CLSTN2: variants seen among roughly 807,000 people sequenced by gnomAD.
CLSTN2 encodes calsyntenin-2.
CLSTN2 carries 48 observed loss-of-function variants against 101.2 expected under a neutral mutation model. The observed-to-expected ratio is 0.47, with a 90% CI of 0.38 to 0.60. The LOEUF is 0.60. Ranked by LOEUF, CLSTN2 falls within the 20% of genes least tolerant of loss-of-function variation. The pLI is 0.00. For synonymous variants in CLSTN2, 481 were observed against 463.6 expected (o/e 1.04, Z -0.48); for missense variants, 1,160 against 1,238.2 (o/e 0.94, Z 0.95).
intron 2 of CLSTN2, among the ~76,000 whole-genome samples, chr3:140,194,574 T>C (rs2010618457): frequency 6.6e-6 from 1 of 152,168 alleles, no homozygotes; most frequent in African/African-American, 2.4e-5. Context: ...GAGTAATTTT[T>C]CTATTGAAAT....
chr3:140,285,623 C>T (rs998206548), intron 2 of CLSTN2, among the ~76,000 whole-genome samples: 1 of 152,160 alleles, frequency 6.6e-6, no homozygotes, highest in South Asian at 2.1e-4. Flanking sequence ...ACACAGATTG[C>T]CAATTGCCCT....
At chr3:140,091,871 G>A (rs559965191) in intron 1 of CLSTN2, among the ~76,000 whole-genome samples, 27 of 152,288 alleles carry the variant, frequency 1.8e-4, no homozygotes, top group African/African-American at 6.3e-4. Flanking sequence ...ATTTCCATTT[G>A]CTTTGTCTAA....
At chr3:140,229,836 G>T (rs1225169511) in intron 2 of CLSTN2, among the ~76,000 whole-genome samples, 2 of 152,060 alleles carry the variant, frequency 1.3e-5, no homozygotes, top group East Asian at 1.9e-4. Context: ...AACCATGAAG[G>T]TTCCTTCCTG....
chr3:140,151,623 TG>T (rs1196066047), intron 1 of CLSTN2, among the ~76,000 whole-genome samples: 1 of 152,052 alleles, frequency 6.6e-6, no homozygotes, highest in East Asian at 1.9e-4. Context: ...GGGTACGACA[TG>T]GGAAGACAAT....
chr3:139,962,334 C>T (rs529936751), intron 1 of CLSTN2, among the ~76,000 whole-genome samples: 15 of 152,182 alleles, frequency 9.9e-5, no homozygotes, highest in South Asian at 4.2e-4. Flanking sequence ...TAACTTTTGA[C>T]GTATGTATAT....
In CLSTN2 at chr3:140,032,182, C is replaced by G. The variant is rs548925425; in HGVS notation, c.109+96699C>G. On this transcript the variant is annotated intron_variant, in intron 1 of 16. Transcript: ENST00000458420. ...ACAGACTTATTGGGGAGAAAAGACC[C>G]ATACATTTACTCACAATGAAAAATT... Among the ~76,000 whole-genome samples, 30 of 151,782 alleles carry G rather than the reference C, an allele frequency of 2.0e-4. No homozygotes were observed. The South Asian group carries it at 6.2e-3, about 32-fold the overall frequency.
chr3:140,248,148 G>C (rs2086532164), intron 2 of CLSTN2, among the ~76,000 whole-genome samples: 1 of 152,190 alleles, frequency 6.6e-6, no homozygotes. Context: ...GGAGGAGCAG[G>C]GCAATGTGAA....
intron 2 of CLSTN2, among the ~76,000 whole-genome samples, chr3:140,239,673 G>A (rs2086443587): frequency 6.6e-6 from 1 of 152,062 alleles, no homozygotes; most frequent in African/African-American, 2.4e-5. Context: ...TCTAAAAAGT[G>A]CTCCATTTTT....
intron 12 of CLSTN2, among the ~76,000 whole-genome samples, chr3:140,561,364 T>C (rs1055084237): frequency 3.3e-5 from 5 of 152,180 alleles, no homozygotes; most frequent in African/African-American, 1.2e-4. Flanking sequence ...GATGGGATTT[T>C]AATTTAGGAC....
chr3:139,954,497 G>T lies in CLSTN2; in HGVS notation c.109+19014G>T, dbSNP rs556309986. Reference sequence around the variant, plus strand: ...GACTCTGAAGGCTCCTTGAGGGCAGGGTTGCCCTAGCTCTTTTCCCAAGAT... The same window carrying T: ...GACTCTGAAGGCTCCTTGAGGGCAGTGTTGCCCTAGCTCTTTTCCCAAGAT... On this transcript the variant is annotated intron_variant, in intron 1 of 16. Transcript: ENST00000458420. 8.4e-4 allele frequency among the ~76,000 whole-genome samples: 128 copies of T among 152,232 alleles called. 1 individual carries two copies. Among genetic ancestry groups the T allele is most frequent in the African/African-American group, 3.0e-3 (123 of 41,548 alleles).
rs551976902 is a variant in CLSTN2 at position 140,402,651 on chromosome 3, T to C, written c.233-978T>C. Among the ~76,000 whole-genome samples, 8 of 152,298 alleles carry C rather than the reference T, an allele frequency of 5.3e-5. No individual in the cohort carries two copies. In the South Asian group the frequency reaches 1.5e-3, roughly 28 times the overall value. ...GCCCCATTAAATGATGCACCGTAGG[T>C]ACCTTGCTTGCCCCTCCTTGGCCTC... On this transcript the variant is annotated intron_variant, in intron 2 of 16. Coordinates refer to ENST00000458420, the MANE Select transcript of CLSTN2 (RefSeq NM_022131.3).
rs569550043 is a variant in CLSTN2, at chr3:140,113,356, A to T, written c.110-62595A>T. On this transcript the variant is annotated intron_variant, in intron 1 of 16. Transcript: ENST00000458420. ...TACAGTGCCTGCAGACTGTGTGCAG[A>T]CCCCAACTCGCTCTCTCAGTGGCTG... 2.0e-5 allele frequency among the ~76,000 whole-genome samples: 3 copies of T among 152,112 alleles called. No individual in the cohort carries two copies. The South Asian group carries it at 6.3e-4, about 32-fold the overall frequency.
At chr3:139,982,373 T>G (rs1935946261) in intron 1 of CLSTN2, among the ~76,000 whole-genome samples, 1 of 151,952 alleles carries the variant, frequency 6.6e-6, no homozygotes, top group Non-Finnish European at 1.5e-5. Context: ...CTTAAATTTT[T>G]TTTTAGTTAC....
intron 10 of CLSTN2, 98 bp downstream of exon 10, chr3:140,546,779 C>T (rs1420274201): frequency 4.1e-5 from 48 of 1,177,390 alleles, no homozygotes; most frequent in Admixed American, 1.7e-4. Context: ...CTTCCTGGAA[C>T]GTTACACAGA....
chr3:140,054,008 G>A (rs1160940980), intron 1 of CLSTN2, among the ~76,000 whole-genome samples: 1 of 152,102 alleles, frequency 6.6e-6, no homozygotes, highest in Non-Finnish European at 1.5e-5. Flanking sequence ...GCTGGTCCTC[G>A]GGCAGCTACC....
intron 2 of CLSTN2, among the ~76,000 whole-genome samples, chr3:140,222,446 T>A (rs1277563072): frequency 6.6e-6 from 1 of 152,174 alleles, no homozygotes; most frequent in African/African-American, 2.4e-5. Context: ...AATAATTTAA[T>A]TGTATATTTT....
intron 4 of CLSTN2, among the ~76,000 whole-genome samples, chr3:140,418,011 T>C (rs973514613): frequency 6.6e-6 from 1 of 152,226 alleles, no homozygotes; most frequent in Non-Finnish European, 1.5e-5. Flanking sequence ...TGTGTGTTTA[T>C]TTTTCTACCA....
intron 1 of CLSTN2, among the ~76,000 whole-genome samples, chr3:140,136,925 G>A (rs761571813): frequency 2.0e-4 from 30 of 152,174 alleles, no homozygotes; most frequent in Non-Finnish European, 4.0e-4. Context: ...AGAGATGGCT[G>A]AAGTCAGTTT....
At chr3:140,457,378 T>C (rs1038132088) in intron 6 of CLSTN2, among the ~76,000 whole-genome samples, 3 of 152,218 alleles carry the variant, frequency 2.0e-5, no homozygotes, top group East Asian at 1.9e-4. Context: ...CCCAACTTAA[T>C]AGGTCAAAGA....
Sources: gnomAD v4.1 joint callset for allele counts (sites outside exome capture counted in the v4.1 genomes callset) on GRCh38, gnomAD v4.1.1 for gene constraint, MANE v1.5 for transcripts, NCBI Gene and HGNC (gene_info 2026-07-23, HGNC 2026-07-21) for gene names.